SERGEF: variants seen among roughly 807,000 people sequenced by gnomAD.
SERGEF encodes the protein secretion regulating guanine nucleotide exchange factor.
Under a neutral mutation model 50.0 loss-of-function variants are expected in SERGEF, and 51 were observed. The ratio of observed to expected loss-of-function variants is 1.02; its 90% CI spans 0.81 to 1.29. The LOEUF is 1.29. SERGEF is among the 50% of genes most tolerant of loss of function. The probability of loss-of-function intolerance (pLI) is 0.00; values close to 1 mark genes in which losing one functional copy is unlikely to be tolerated. For synonymous variants in SERGEF, 205 were observed against 212.4 expected (o/e 0.97, Z 0.30); for missense variants, 521 against 557.0 (o/e 0.94, Z 0.65).
At position 18,012,975 on chromosome 11, in the gene SERGEF, G is replaced by T. The variant is rs1283995192; in HGVS notation, c.36C>A (p.Pro12=). The T allele has an allele frequency of 8.8e-6, 13 of 1,471,686 alleles. No homozygotes were observed. The highest frequency in any genetic ancestry group is 1.2e-5 in the Non-Finnish European group (13 of 1,121,050). The allele number at this position is 1,471,686 out of a possible 1,614,324, so 91.2% of individuals were successfully genotyped here. Reference sequence around the variant, plus strand: ...CCCAGGCGAAGAGCGCGGCCGCCGCGGGGGCGGCCTCCGAGGCGCTGGGCT... The same window carrying T: ...CCCAGGCGAAGAGCGCGGCCGCCGCTGGGGCGGCCTCCGAGGCGCTGGGCT... ...EREPSASEAA[P]AAAALFAWGA... Residue 12 remains proline (P), a synonymous_variant, in exon 1 of 11, where the codon CCC becomes CCA. Coordinates refer to ENST00000265965, the MANE Select transcript of SERGEF (RefSeq NM_012139.4).
intron 4 of SERGEF, among the ~76,000 whole-genome samples, chr11:18,001,686 AC>A (rs1454867416): frequency 1.3e-5 from 2 of 152,248 alleles, no homozygotes; most frequent in Non-Finnish European, 2.9e-5. Context: ...AATTTGTTAC[AC>A]AGCAATAGAT....
intron 9 of SERGEF, among the ~76,000 whole-genome samples, chr11:17,944,619 T>C (rs574532904): frequency 6.6e-5 from 10 of 152,284 alleles, no homozygotes; most frequent in African/African-American, 1.9e-4. Context: ...TCTGAGTTTA[T>C]AGTTGATTTC....
chr11:17,932,123 A>T (rs1852363559), intron 9 of SERGEF, among the ~76,000 whole-genome samples: 1 of 152,248 alleles, frequency 6.6e-6, no homozygotes, highest in South Asian at 2.1e-4. Context: ...TACATATGTA[A>T]CAAACCTGCA....
At chr11:17,933,598 A>C (rs1009177355) in intron 9 of SERGEF, among the ~76,000 whole-genome samples, 1 of 152,166 alleles carries the variant, frequency 6.6e-6, no homozygotes, top group Non-Finnish European at 1.5e-5. Context: ...TGTTGTGATA[A>C]GCAGATCAGA....
intron 9 of SERGEF, among the ~76,000 whole-genome samples, chr11:17,921,456 T>C (rs1458956145): frequency 6.6e-6 from 1 of 152,196 alleles, no homozygotes; most frequent in African/African-American, 2.4e-5. Flanking sequence ...CCTCAGTAAA[T>C]GCTGATTTTC....
chr11:17,921,990 C>T (rs1852165843), intron 9 of SERGEF, among the ~76,000 whole-genome samples: 1 of 152,136 alleles, frequency 6.6e-6, no homozygotes, highest in African/African-American at 2.4e-5. Context: ...TGCAAACTCC[C>T]AGTAAGGTGA....
At chr11:17,839,494 C>T (rs746127294) in intron 10 of SERGEF, among the ~76,000 whole-genome samples, 4 of 152,066 alleles carry the variant, frequency 2.6e-5, no homozygotes, top group South Asian at 4.2e-4. Context: ...TTCTCTGTAA[C>T]GAAGACTGAG....
At chr11:17,992,890 T>A in intron 7 of SERGEF, 41 bp downstream of exon 7, 1 of 1,543,218 alleles carries the variant, frequency 6.5e-7, no homozygotes, top group Non-Finnish European at 9.0e-7. Context: ...ACATACAGAA[T>A]CCTGAATGGC....
chr11:17,980,076 G>A (rs1380247126), intron 8 of SERGEF, among the ~76,000 whole-genome samples: 1 of 152,222 alleles, frequency 6.6e-6, no homozygotes, highest in Non-Finnish European at 1.5e-5. Context: ...AAGTGCAGGG[G>A]AGCGGGAGAG....
intron 10 of SERGEF, among the ~76,000 whole-genome samples, chr11:17,868,235 A>T (rs1420333626): frequency 6.6e-6 from 1 of 152,164 alleles, no homozygotes; most frequent in Admixed American, 6.5e-5. Context: ...TGCCCAAGTC[A>T]CCTGTTGAAT....
chr11:17,790,609 T>A (rs1458975955), intron 10 of SERGEF, among the ~76,000 whole-genome samples: 3 of 152,236 alleles, frequency 2.0e-5, no homozygotes, highest in Non-Finnish European at 2.9e-5. Context: ...AGTATTGCAA[T>A]GAAAGTCTTT....
At chr11:17,834,675 C>G (rs781558023) in intron 10 of SERGEF, among the ~76,000 whole-genome samples, 5 of 152,162 alleles carry the variant, frequency 3.3e-5, no homozygotes, top group Non-Finnish European at 4.4e-5. Context: ...CCTAAACAAG[C>G]CTGAAGTTTT....
At chr11:17,849,134 A>C (rs990576812) in intron 10 of SERGEF, among the ~76,000 whole-genome samples, 2 of 152,214 alleles carry the variant, frequency 1.3e-5, no homozygotes, top group African/African-American at 4.8e-5. Flanking sequence ...GTTTACATGC[A>C]CATGTGAAGC....
chr11:17,889,672 G>C (rs1308414376), intron 9 of SERGEF, among the ~76,000 whole-genome samples: 1 of 152,120 alleles, frequency 6.6e-6, no homozygotes, highest in Non-Finnish European at 1.5e-5. Flanking sequence ...ATATACAGAA[G>C]CTCTGTAGAT....
intron 9 of SERGEF, among the ~76,000 whole-genome samples, chr11:17,901,144 G>A (rs552334892): frequency 6.6e-6 from 1 of 151,928 alleles, no homozygotes; most frequent in Non-Finnish European, 1.5e-5. Context: ...CTCCCCAAGT[G>A]TGGCCAACCA....
chr11:17,983,101 T>C (rs1392462279), intron 8 of SERGEF, among the ~76,000 whole-genome samples: 1 of 152,156 alleles, frequency 6.6e-6, no homozygotes, highest in Non-Finnish European at 1.5e-5. Flanking sequence ...CCTGTATTTG[T>C]TCTCACTTTT....
At chr11:17,886,365 T>G (rs1191015949) in intron 9 of SERGEF, among the ~76,000 whole-genome samples, 1 of 152,100 alleles carries the variant, frequency 6.6e-6, no homozygotes, top group Non-Finnish European at 1.5e-5. Context: ...ATCCCGGCAC[T>G]TTAGGAGGCT....
chr11:17,867,076 T>C (rs1041175473), intron 10 of SERGEF, among the ~76,000 whole-genome samples: 17 of 152,226 alleles, frequency 1.1e-4, no homozygotes, highest in Non-Finnish European at 2.2e-4. Context: ...TGGCCCCTCC[T>C]AAATCTCATG....
At chr11:17,793,025 G>C (rs1247750317) in intron 10 of SERGEF, among the ~76,000 whole-genome samples, 1 of 152,186 alleles carries the variant, frequency 6.6e-6, no homozygotes, top group African/African-American at 2.4e-5. Flanking sequence ...ACTACGCTAT[G>C]CTGTCCTGGT....
Sources: allele counts gnomAD v4.1 joint callset (sites outside exome capture counted in the v4.1 genomes callset), GRCh38; gene constraint gnomAD v4.1.1; transcripts MANE v1.5; gene names NCBI Gene and HGNC (gene_info 2026-07-23, HGNC 2026-07-21).